RUFY2: variants seen among roughly 807,000 people sequenced by gnomAD.
The protein encoded by RUFY2 is RUN and FYVE domain containing 2.
A neutral mutation model predicts 94.4 loss-of-function variants in RUFY2; 49 were observed. The observed-to-expected ratio is 0.52, with a 90% CI of 0.41 to 0.66. RUFY2 has a LOEUF of 0.66. Ranked by LOEUF, RUFY2 falls within the 30% of genes least tolerant of loss-of-function variation. The pLI is 0.00. For synonymous variants in RUFY2, 255 were observed against 235.7 expected, an observed-to-expected ratio of 1.08 and a Z score of -0.75; for missense variants, 541 against 692.8, an observed-to-expected ratio of 0.78 and a Z score of 2.46.
At chr10:68,407,159 C>G (rs1389330289) in intron 1 of RUFY2, 27 bp downstream of exon 1, 1 of 1,479,608 alleles carries the variant, frequency 6.8e-7, no homozygotes, top group Non-Finnish European at 8.9e-7. Context: ...GAGGGCCTAG[C>G]GTTCGGTTTC....
intron 13 of RUFY2, among the ~76,000 whole-genome samples, chr10:68,375,313 G>A (rs577984189): frequency 7.2e-6 from 1 of 139,736 alleles, no homozygotes; most frequent in African/African-American, 2.7e-5. Context: ...GTCTATTTGA[G>A]GGGGGAGGAT....
At chr10:68,371,687 G>A (rs2048294322) in intron 13 of RUFY2, among the ~76,000 whole-genome samples, 1 of 151,686 alleles carries the variant, frequency 6.6e-6, no homozygotes, top group Admixed American at 6.6e-5. Flanking sequence ...AGTAATGGCT[G>A]AGAATTTCCC....
chr10:68,397,109 T>C (rs1403246254), intron 3 of RUFY2, among the ~76,000 whole-genome samples: 1 of 152,214 alleles, frequency 6.6e-6, no homozygotes, highest in Non-Finnish European at 1.5e-5. Context: ...GAAATGACTC[T>C]CTAAACACAG....
At chr10:68,396,916 C>T (rs1204182520) in intron 3 of RUFY2, 35 bp from the exon 4 acceptor site, 2 of 1,423,802 alleles carry the variant, frequency 1.4e-6, no homozygotes, top group Non-Finnish European at 2.0e-6. Context: ...GAAAACAGCC[C>T]TAGCCCAAAG....
At chr10:68,374,828 G>T (rs528967942) in intron 13 of RUFY2, among the ~76,000 whole-genome samples, 7 of 151,958 alleles carry the variant, frequency 4.6e-5, no homozygotes, top group South Asian at 4.1e-4. Context: ...ATTAACTGGG[G>T]GAAAATACTG....
At chr10:68,341,900 C>G (rs766297203), downstream of RUFY2, 3 of 1,591,610 alleles carry the variant, frequency 1.9e-6, no homozygotes, top group African/African-American at 2.7e-5. Context: ...GTAGTGCAAA[C>G]TTTAAAGTGC....
downstream of RUFY2, chr10:68,342,841 A>G (rs1371338642): frequency 6.6e-6 from 1 of 152,544 alleles, no homozygotes; most frequent in Admixed American, 6.5e-5. Context: ...ATAGGTATTT[A>G]CTATGGAGTA....
At position 68,400,492 on chromosome 10, in the gene RUFY2, T is replaced by A. The variant is rs182596383; in HGVS notation, c.296+1128A>T. Among the ~76,000 whole-genome samples, 329 of 149,588 alleles carry A rather than the reference T, an allele frequency of 2.2e-3. 4 individuals are homozygous for A. The highest frequency in any genetic ancestry group is 7.5e-3 in the African/African-American group (305 of 40,622). ...GAGATCAAGACCATCCTGGCTAACA[T>A]GGTGAAACCCCGTCTCTACTAAAAA... On this transcript the variant is annotated intron_variant, in intron 3 of 17. Transcript: ENST00000602465.
At chr10:68,360,015 G>A (rs1164013169) in intron 15 of RUFY2, among the ~76,000 whole-genome samples, 4 of 152,064 alleles carry the variant, frequency 2.6e-5, no homozygotes, top group Admixed American at 1.3e-4. Flanking sequence ...TAGTAGAGAT[G>A]GGGTTTCACC....
intron 13 of RUFY2, among the ~76,000 whole-genome samples, chr10:68,376,468 A>ATG (rs1249734452): frequency 1.1e-4 from 4 of 36,606 alleles, no homozygotes; most frequent in East Asian, 1.2e-3. Context: ...ATATATATAT[A>ATG]TATATATATA....
chr10:68,359,358 G>GTATATATGTGTGTATATATACGTATA (rs2047271279), intron 15 of RUFY2, among the ~76,000 whole-genome samples: 1 of 131,584 alleles, frequency 7.6e-6, no homozygotes. Context: ...ATATACATAT[G>GTATATATGTGTGTATATATACGTATA]TATACATATA....
chr10:68,390,769 T>G (rs1217484763), intron 7 of RUFY2, among the ~76,000 whole-genome samples: 2 of 141,816 alleles, frequency 1.4e-5, no homozygotes, highest in Non-Finnish European at 3.0e-5. Flanking sequence ...CTAATAATAG[T>G]TTTTTTTTTT....
chr10:68,388,019 A>G (rs1455503158), intron 7 of RUFY2, among the ~76,000 whole-genome samples: 7 of 151,904 alleles, frequency 4.6e-5, no homozygotes, highest in Admixed American at 4.6e-4. Context: ...TAATAATAAT[A>G]ATAAAAGAAA....
intron 12 of RUFY2, chr10:68,377,480 T>A: frequency 1.0e-6 from 1 of 990,874 alleles, no homozygotes; most frequent in Non-Finnish European, 1.2e-6. Context: ...TCTTACGGCA[T>A]CTTTATGCAT....
At chr10:68,348,778 A>G (rs1043727085) in intron 16 of RUFY2, among the ~76,000 whole-genome samples, 1 of 152,156 alleles carries the variant, frequency 6.6e-6, no homozygotes, top group Non-Finnish European at 1.5e-5. Context: ...CTGTGAAGGG[A>G]TCTCAGAGAT....
intron 15 of RUFY2, among the ~76,000 whole-genome samples, chr10:68,357,696 C>A (rs891277043): frequency 2.6e-5 from 4 of 152,084 alleles, no homozygotes; most frequent in African/African-American, 9.7e-5. Flanking sequence ...ACATAGTTTT[C>A]CATAACCAGC....
intron 7 of RUFY2, among the ~76,000 whole-genome samples, chr10:68,391,060 G>A (rs564273780): frequency 6.0e-5 from 9 of 150,858 alleles, no homozygotes; most frequent in African/African-American, 2.0e-4. Context: ...TCAGCCTCCC[G>A]AGTAGCTGGA....
At chr10:68,369,651 G>T (rs978063894) in intron 13 of RUFY2, among the ~76,000 whole-genome samples, 2 of 152,322 alleles carry the variant, frequency 1.3e-5, no homozygotes, top group African/African-American at 4.8e-5. Context: ...GCCAGGAATG[G>T]TGGCTGACAC....
chr10:68,345,707 T>TA lies in RUFY2; in HGVS notation c.*60dup. 6.7e-7 allele frequency: 1 copy of TA among 1,502,444 alleles called. No individual in the cohort carries two copies. The highest frequency in any genetic ancestry group is 9.1e-7 in the Non-Finnish European group (1 of 1,093,856). The allele number at this position is 1,502,444 out of a possible 1,614,324, so 93.1% of individuals were successfully genotyped here. A position where few individuals can be genotyped will look rare whatever the true frequency, so the allele number is the denominator to read the frequency against. The stretch of plus-strand genomic sequence containing the variant: ...AAGGAGAGCTGTCTGGTTACCTTTG[T>TA]ATACAACATCATAACATTCATTGTA... On this transcript the variant is annotated 3_prime_UTR_variant, in exon 18 of 18. Transcript: ENST00000602465.
Sources: gnomAD v4.1 joint callset for allele counts (sites outside exome capture counted in the v4.1 genomes callset) on GRCh38, gnomAD v4.1.1 for gene constraint, MANE v1.5 for transcripts, NCBI Gene and HGNC (gene_info 2026-07-23, HGNC 2026-07-21) for gene names.